Variants in WDR90 observed in about 807,000 individuals in gnomAD.
WDR90 encodes WD repeat domain 90.
Under a neutral mutation model 195.2 loss-of-function variants are expected in WDR90, and 238 were observed. The ratio of observed to expected loss-of-function variants is 1.22; its 90% confidence interval spans 1.10 to 1.36. The LOEUF (loss-of-function observed/expected upper bound fraction) is 1.36, where lower values mean the gene tolerates loss of function less well. WDR90 is among the 40% of genes most tolerant of loss of function. WDR90 has a pLI of 0.00. For synonymous variants in WDR90, 1,265 were observed against 1,052.4 expected (o/e 1.20, Z -3.91); for missense variants, 2,734 against 2,439.5 (o/e 1.12, Z -2.54).
At position 666,062 on chromosome 16, in the gene WDR90, C is replaced by T; in HGVS notation, c.4547C>T (p.Ala1516Val). ...CGCATCTTCAGCGTCTCCCGCACGG[C>T]CATGGAGCTCAAGATGCACCCCCAC... ...SLRIFSVSRTAMELKMHPHPV... is the reference protein window; with the variant it reads ...SLRIFSVSRTVMELKMHPHPV... Residue 1516 changes from alanine (A) to valine (V), a missense_variant, in exon 36 of 41, where the codon GCC (alanine) becomes GTC (valine). By Grantham distance (64) the Ala-to-Val change is moderately conservative. Coordinates refer to ENST00000293879, the MANE Select transcript of WDR90 (RefSeq NM_145294.5). 1.2e-6 allele frequency: 2 copies of T among 1,608,380 alleles called. No individual in the cohort carries two copies. The highest frequency in any genetic ancestry group is 2.2e-5 in the East Asian group (1 of 44,880).
In WDR90 at chr16:667,551, C is replaced by T. The variant is rs370037118; in HGVS notation, c.5209C>T (p.Arg1737Cys). ...PSARLLFTAARNEILVWEVPG... is the reference protein window; with the variant it reads ...PSARLLFTAACNEILVWEVPG... The stretch of plus-strand genomic sequence containing the variant: ...CGCCAGGCTGCTCTTCACGGCCGCC[C>T]GCAACGAGATCCTTGTGTGGGAGGT... Residue 1737 changes from arginine (R) to cysteine (C), a missense_variant, in exon 41 of 41, where the codon CGC (arginine) becomes TGC (cysteine). Arg to Cys is a radical substitution (Grantham distance 180). Coordinates refer to ENST00000293879, the MANE Select transcript of WDR90 (RefSeq NM_145294.5). 67 of 1,611,104 alleles carry T rather than the reference C, an allele frequency of 4.2e-5. No individual in the cohort carries two copies. The highest frequency in any genetic ancestry group is 6.6e-5 in the South Asian group (6 of 91,086).
In WDR90 at chr16:666,306, C is replaced by T. The variant is rs2038039450; in HGVS notation, c.4696C>T (p.His1566Tyr). Residue 1566 changes from histidine to tyrosine, a missense_variant, in exon 37 of 41, where the codon CAC (histidine) becomes TAC (tyrosine). Transcript: ENST00000293879. Reference protein sequence around the residue: ...TGTTFRVLSDHQGAPISTICV... With the variant: ...TGTTFRVLSDYQGAPISTICV... ...GACAACCTTCCGTGTGCTGAGTGAC[C>T]ACCAGGGCGCCCCAATCTCTACCAT... 1 of 1,612,740 alleles carries T rather than the reference C, an allele frequency of 6.2e-7. No individual in the cohort carries two copies. The highest frequency in any genetic ancestry group is 8.5e-7 in the Non-Finnish European group (1 of 1,179,978).
Position 659,338 on chromosome 16 carries a change from G to A in WDR90, c.3146G>A (p.Arg1049Gln), listed in dbSNP as rs765112159. ...AAGCCATGTCAGGCATCTCCACCACGGCTGGGCGTCTGTGCCAGGCCTCCC... is the reference window on the plus strand; with the variant it reads ...AAGCCATGTCAGGCATCTCCACCACAGCTGGGCGTCTGTGCCAGGCCTCCC... ...VPKPCQASPP[R>Q]LGVCARPPEG... Residue 1049 changes from arginine (R) to glutamine (Q), a missense_variant, in exon 26 of 41, where the codon CGG becomes CAG. Transcript: ENST00000293879. 81 of 1,595,462 alleles carry A rather than the reference G, an allele frequency of 5.1e-5. No homozygotes were observed. The highest frequency in any genetic ancestry group is 6.8e-5 in the South Asian group (6 of 88,674).
At position 655,065 on chromosome 16, in the gene WDR90, G is replaced by A. The variant is rs766670247; in HGVS notation, c.1474G>A (p.Gly492Ser). The A allele has an allele frequency of 2.4e-5, 39 of 1,612,620 alleles. No homozygotes were observed. The highest frequency in any genetic ancestry group is 6.7e-5 in the African/African-American group (5 of 74,914). ...CTGGGGCACCGGCCAGGTGGGCCTC[G>A]GTGGCGAGGTGGTCGTTCTGGCAAA... ...VAWGTGQVGLGGEVVVLAKAH... is the reference protein window; with the variant it reads ...VAWGTGQVGLSGEVVVLAKAH... The change falls in exon 14 of 41, where the codon GGT becomes AGT. Residue 492 changes from glycine (G) to serine (S), a missense_variant. Physicochemically the swap from Gly to Ser is moderately conservative, Grantham distance 56 (BLOSUM62 0). Coordinates refer to ENST00000293879, the MANE Select transcript of WDR90 (RefSeq NM_145294.5).
At position 660,668 on chromosome 16, in the gene WDR90, T is replaced by A; in HGVS notation, c.3345T>A (p.Gly1115=). ...GGCTGCGTCTGAAGGCTGTCGTCGG[T>A]TACAGCGGGAATGGGCGGGCCAACA... The part of the protein sequence containing the change: ...GGWLRLKAVV[G]YSGNGRANMV... The change falls in exon 28 of 41, where the codon GGT becomes GGA. Residue 1115 remains glycine, a synonymous_variant. Transcript: ENST00000293879. 3 of 1,582,356 alleles carry A rather than the reference T, an allele frequency of 1.9e-6. No homozygotes were observed. Among genetic ancestry groups the A allele is most frequent in the South Asian group, 2.3e-5 (2 of 86,634 alleles).
Position 653,797 on chromosome 16 carries a change from G to T in WDR90, c.1431G>T (p.Gly477=). Residue 477 remains glycine (G), a synonymous_variant, in exon 13 of 41, where the codon GGG becomes GGT. Transcript: ENST00000293879. ...LLCGVGKDHH[G]RTMVVAWGTG... is the part of the protein sequence containing the mutation. ...GCGGGGTTGGCAAGGACCACCACGG[G>T]AGGACGGTAACAGGGCCCTGGCTGC... 6.2e-7 allele frequency: 1 copy of T among 1,613,218 alleles called. No individual in the cohort carries two copies. Among genetic ancestry groups the T allele is most frequent in the South Asian group, 1.1e-5 (1 of 91,088 alleles).
In WDR90 at chr16:665,576, C is replaced by T. The variant is rs1256861414; in HGVS notation, c.4312-103C>T. The stretch of plus-strand genomic sequence containing the variant: ...TTGGCCGGGGCCAGAGGCACATGCT[C>T]TGGTTTGGACAGCCCGGCCCTGGGG... On this transcript the variant is annotated intron_variant, in intron 34 of 40. Transcript: ENST00000293879. The T allele has an allele frequency of 8.8e-6, 14 of 1,584,450 alleles. No homozygotes were observed. The Admixed American group carries it at 1.8e-4, about 21-fold the overall frequency.
chr16:657,938 G>C (rs1164736794), intron 21 of WDR90, 46 bp downstream of exon 21: 9 of 1,502,886 alleles, frequency 6.0e-6, no homozygotes, highest in Non-Finnish European at 8.0e-6. Context: ...GGCCATGAGA[G>C]GCTGGCTGCA....
intron 31 of WDR90, 47 bp from the exon 32 acceptor site, chr16:661,844 G>A (rs762541731): frequency 6.3e-7 from 1 of 1,591,068 alleles, no homozygotes; most frequent in Non-Finnish European, 8.6e-7. Flanking sequence ...GAATCTGCCT[G>A]GGCCCCGGGA....
In WDR90 at chr16:667,594, C is replaced by G. The variant is rs371480050; in HGVS notation, c.*5C>G. 2.0e-4 allele frequency: 323 copies of G among 1,606,066 alleles called. 2 individuals are homozygous for G. In the African/African-American group the frequency reaches 4.1e-3, roughly 21 times the overall value. On this transcript the variant is annotated 3_prime_UTR_variant, in exon 41 of 41. Transcript: ENST00000293879. Reference sequence around the variant, plus strand: ...TGGGAGGTCCCCGGCCTCTGAGATGCAGCAGGGACTGTGGTGGTGGGCATC... The same window carrying G: ...TGGGAGGTCCCCGGCCTCTGAGATGGAGCAGGGACTGTGGTGGTGGGCATC...
chr16:661,927 G>A lies in WDR90; in HGVS notation c.3901G>A (p.Gly1301Arg), dbSNP rs767464625. The A allele has an allele frequency of 1.9e-6, 3 of 1,609,828 alleles. No individual in the cohort carries two copies. The highest frequency in any genetic ancestry group is 1.1e-5 in the South Asian group (1 of 91,078). Residue 1301 changes from glycine to arginine, a missense_variant, in exon 32 of 41, where the codon GGA becomes AGA. Coordinates refer to ENST00000293879, the MANE Select transcript of WDR90 (RefSeq NM_145294.5). ...GCCAGTCCCAGAGGCAGTGGGGGCT[G>A]GAGAGCTGACCTCGCTCTGCTACGG... ...REPVPEAVGA[G>R]ELTSLCYGAP...
rs1018152222 is a variant in WDR90 at position 651,074 on chromosome 16, G to C, written c.639G>C (p.Glu213Asp). 7 of 1,613,438 alleles carry C rather than the reference G, an allele frequency of 4.3e-6. No homozygotes were observed. The highest frequency in any genetic ancestry group is 5.1e-6 in the Non-Finnish European group (6 of 1,179,956). The change falls in exon 6 of 41, where the codon GAG becomes GAC. Residue 213 changes from glutamate (E) to aspartate (D), a missense_variant. Glu to Asp is a conservative substitution (Grantham distance 45). Coordinates refer to ENST00000293879, the MANE Select transcript of WDR90 (RefSeq NM_145294.5). ...REMAFPVPKG[E>D]SWHDRYIHVR... ...TGGCATTCCCTGTGCCCAAGGGAGA[G>C]AGCTGGCATGACCGCTACATCCACG...
chr16:653,890 C>T, intron 13 of WDR90, 87 bp downstream of exon 13: 15 of 1,501,482 alleles, frequency 1.0e-5, no homozygotes, highest in South Asian at 2.4e-5. Context: ...GAAACTCCAG[C>T]TTCATGTGAC....
Position 650,027 on chromosome 16 carries a change from G to T in WDR90, c.139G>T (p.Gly47Cys), listed in dbSNP as rs1313519418. Residue 47 changes from glycine (G) to cysteine (C), a missense_variant, in exon 3 of 41, where the codon GGC (glycine) becomes TGC (cysteine). Gly to Cys is a radical substitution (Grantham distance 159). Coordinates refer to ENST00000293879, the MANE Select transcript of WDR90 (RefSeq NM_145294.5). ...TLKGAVYRIR[G>C]SVSAANYIQL... The stretch of plus-strand genomic sequence containing the variant: ...GAAGGGCGCCGTGTATCGCATTCGG[G>T]GCTCAGTCTCTGCCGCCAACTACAT... 1 of 1,612,840 alleles carries T rather than the reference G, an allele frequency of 6.2e-7. No individual in the cohort carries two copies.
Position 666,081 on chromosome 16 carries a change from C to A in WDR90, c.4566C>A (p.His1522Gln). ...GCACGGCCATGGAGCTCAAGATGCA[C>A]CCCCACCCGGTGGCGCTGACCACTG... Reference protein sequence around the residue: ...VSRTAMELKMHPHPVALTTVA... With the variant: ...VSRTAMELKMQPHPVALTTVA... Residue 1522 changes from histidine to glutamine, a missense_variant, in exon 36 of 41, where the codon CAC (histidine) becomes CAA (glutamine). His to Gln is a conservative substitution (Grantham distance 24). Coordinates refer to ENST00000293879, the MANE Select transcript of WDR90 (RefSeq NM_145294.5). 2 of 1,609,796 alleles carry A rather than the reference C, an allele frequency of 1.2e-6. No individual in the cohort carries two copies. The highest frequency in any genetic ancestry group is 1.1e-5 in the South Asian group (1 of 91,062).
Position 661,884 on chromosome 16 carries a change from T to G in WDR90, c.3865-7T>G. 6.2e-7 allele frequency: 1 copy of G among 1,606,036 alleles called. No individual in the cohort carries two copies. The highest frequency in any genetic ancestry group is 8.5e-7 in the Non-Finnish European group (1 of 1,175,280). On this transcript the variant is annotated splice_region_variant and splice_polypyrimidine_tract_variant and intron_variant, in intron 31 of 40. Coordinates refer to ENST00000293879, the MANE Select transcript of WDR90 (RefSeq NM_145294.5). ...GCTGACCCATGGCCACTCTCATACTTTGCCAGGTGCGTCGAGAGCCAGTCC... is the reference window on the plus strand; with the variant it reads ...GCTGACCCATGGCCACTCTCATACTGTGCCAGGTGCGTCGAGAGCCAGTCC...
intron 40 of WDR90, 136 bp from the exon 41 acceptor site, chr16:667,296 G>T: frequency 1.6e-6 from 2 of 1,215,250 alleles, no homozygotes; most frequent in Non-Finnish European, 2.2e-6. Context: ...CACGTGGAGG[G>T]CACAGCCAGG....
rs1439677604 is a variant in WDR90 at position 659,362 on chromosome 16, C to T, written c.3170C>T (p.Pro1057Leu). The T allele has an allele frequency of 1.9e-6, 3 of 1,592,416 alleles. No individual in the cohort carries two copies. The highest frequency in any genetic ancestry group is 2.6e-6 in the Non-Finnish European group (3 of 1,170,644). Residue 1057 changes from proline (P) to leucine (L), a missense_variant, in exon 26 of 41, where the codon CCC becomes CTC. Pro to Leu is a moderately conservative substitution (Grantham distance 98). Coordinates refer to ENST00000293879, the MANE Select transcript of WDR90 (RefSeq NM_145294.5). Reference sequence around the variant, plus strand: ...CGGCTGGGCGTCTGTGCCAGGCCTCCCGAAGGTGGCGATGGTGAGCAGCAG... The same window carrying T: ...CGGCTGGGCGTCTGTGCCAGGCCTCTCGAAGGTGGCGATGGTGAGCAGCAG... The part of the protein sequence containing the change: ...PPRLGVCARP[P>L]EGGDGARDTR...
intron 28 of WDR90, 160 bp downstream of exon 28, chr16:660,874 C>A: frequency 1.1e-6 from 1 of 875,400 alleles, no homozygotes; most frequent in Non-Finnish European, 1.6e-6. Flanking sequence ...AGCCGAGGTC[C>A]TGTGAAGCAC....
Sources: allele counts gnomAD v4.1 joint callset, GRCh38; gene constraint gnomAD v4.1.1; transcripts MANE v1.5; gene names NCBI Gene and HGNC (gene_info 2026-07-23, HGNC 2026-07-21).